ERC1: variants seen among roughly 807,000 people sequenced by gnomAD.
The protein encoded by ERC1 is ELKS/RAB6-interacting/CAST family member 1, also known as RAB6 interacting protein 2.
ERC1 carries 56 observed loss-of-function variants against 132.0 expected under a neutral mutation model. That is an observed-to-expected ratio of 0.42 (90% CI 0.34 to 0.53). The LOEUF (loss-of-function observed/expected upper bound fraction) is 0.53. Among genes scored for constraint, ERC1 ranks in the 20% least tolerant of loss-of-function variants. The probability of loss-of-function intolerance (pLI) is 0.03; values close to 1 mark genes in which losing one functional copy is unlikely to be tolerated. For missense variants in ERC1, 1,202 were observed against 1,349.9 expected, an observed-to-expected ratio of 0.89 and a Z score of 1.72; for synonymous variants, 478 against 476.1, an observed-to-expected ratio of 1.00 and a Z score of -0.05.
chr12:1,267,139 G>A (rs567841507), intron 14 of ERC1, among the ~76,000 whole-genome samples: 132 of 152,362 alleles, frequency 8.7e-4, no homozygotes, highest in South Asian at 3.1e-3. Flanking sequence ...GAGAAGTTGT[G>A]TAATGACCTA....
At chr12:1,489,760 G>C (rs1430138951) in intron 18 of ERC1, among the ~76,000 whole-genome samples, 5 of 152,148 alleles carry the variant, frequency 3.3e-5, no homozygotes, top group Non-Finnish European at 5.9e-5. Flanking sequence ...GATCCTCTCT[G>C]AGATCACCAT....
chr12:1,049,291 G>A (rs1592941142), intron 2 of ERC1, among the ~76,000 whole-genome samples: 2 of 152,190 alleles, frequency 1.3e-5, no homozygotes, highest in Admixed American at 6.5e-5. Flanking sequence ...TGGCAAAAAC[G>A]TTGCCTGCTC....
chr12:1,439,212 AGT>A (rs2093035546), intron 17 of ERC1, among the ~76,000 whole-genome samples: 1 of 152,172 alleles, frequency 6.6e-6, no homozygotes, highest in African/African-American at 2.4e-5. Context: ...GGCCCAAGAA[AGT>A]GTGTTTGGAT....
chr12:1,338,438 T>G (rs2154360936), intron 15 of ERC1, among the ~76,000 whole-genome samples: 1 of 152,336 alleles, frequency 6.6e-6, no homozygotes, highest in East Asian at 1.9e-4. Context: ...GCTCCTATAT[T>G]GTTGTACTGT....
intron 15 of ERC1, among the ~76,000 whole-genome samples, chr12:1,359,638 G>A (rs562764833): frequency 2.0e-5 from 3 of 152,258 alleles, no homozygotes; most frequent in South Asian, 2.1e-4. Context: ...AAGACACAGC[G>A]GTCATGGCCT....
chr12:1,120,272 C>T lies in ERC1; in HGVS notation c.1569+4239C>T, dbSNP rs557041582. On this transcript the variant is annotated intron_variant, in intron 7 of 18. Transcript: ENST00000360905. ...GCCCCCAAAGCACAAGAATTATAGG[C>T]AGGAGCCACTGTGTCCAGCCATGGA... Among the ~76,000 whole-genome samples the T allele has an allele frequency of 2.6e-5, 4 of 152,268 alleles. No homozygotes were observed. The South Asian group carries it at 8.3e-4, about 32-fold the overall frequency.
At chr12:1,208,662 C>CT (rs1443995048) in intron 12 of ERC1, among the ~76,000 whole-genome samples, 7 of 152,250 alleles carry the variant, frequency 4.6e-5, no homozygotes, top group African/African-American at 1.7e-4. Context: ...AGCTCTATCT[C>CT]TTATTTGGCA....
intron 4 of ERC1, among the ~76,000 whole-genome samples, chr12:1,107,844 G>A (rs1243446634): frequency 1.3e-5 from 2 of 152,110 alleles, no homozygotes; most frequent in Admixed American, 1.3e-4. Context: ...GGGTGTTATT[G>A]ACCTTCACTG....
Position 1,226,013 on chromosome 12 carries a change from A to G in ERC1, c.2352-10756A>G, listed in dbSNP as rs1030132260. On this transcript the variant is annotated intron_variant, in intron 12 of 18. Coordinates refer to ENST00000360905, the MANE Select transcript of ERC1 (RefSeq NM_178040.4). The stretch of plus-strand genomic sequence containing the variant: ...GCCAGTCTGCTTTTTCCATTAGTTA[A>G]TATAATTGATATCAGATTGTTAAAA... Among the ~76,000 whole-genome samples, 4 of 152,234 alleles carry G rather than the reference A, an allele frequency of 2.6e-5. No homozygotes were observed. In the South Asian group the frequency reaches 6.2e-4, roughly 24 times the overall value.
At chr12:995,446 A>G (rs183342588) in intron 1 of ERC1, among the ~76,000 whole-genome samples, 2 of 152,284 alleles carry the variant, frequency 1.3e-5, no homozygotes, top group East Asian at 3.9e-4. Flanking sequence ...AGAAGAATAA[A>G]GAATAAGGTT....
intron 12 of ERC1, among the ~76,000 whole-genome samples, chr12:1,222,098 A>C (rs1057227110): frequency 1.3e-5 from 2 of 152,212 alleles, no homozygotes; most frequent in Non-Finnish European, 2.9e-5. Flanking sequence ...TGTGTACCTA[A>C]ACATGTAAAC....
chr12:1,162,253 G>A (rs955809811), intron 8 of ERC1, among the ~76,000 whole-genome samples: 1 of 152,198 alleles, frequency 6.6e-6, no homozygotes, highest in African/African-American at 2.4e-5. Context: ...CTGTGTTACA[G>A]TAAATTTCTT....
chr12:1,141,174 C>T (rs1638298550), intron 7 of ERC1, among the ~76,000 whole-genome samples: 1 of 152,158 alleles, frequency 6.6e-6, no homozygotes, highest in South Asian at 2.1e-4. Flanking sequence ...GTATGGATAT[C>T]TAAGTGCATT....
chr12:1,349,169 C>T (rs1340639784), intron 15 of ERC1, among the ~76,000 whole-genome samples: 1 of 152,154 alleles, frequency 6.6e-6, no homozygotes, highest in South Asian at 2.1e-4. Context: ...AAGAAAACGA[C>T]GACACTGGAG....
chr12:1,251,644 G>A (rs968210009), intron 13 of ERC1, among the ~76,000 whole-genome samples: 15 of 152,036 alleles, frequency 9.9e-5, no homozygotes, highest in African/African-American at 3.4e-4. Flanking sequence ...CTCAAACTGG[G>A]CCACTTTTTA....
intron 13 of ERC1, among the ~76,000 whole-genome samples, chr12:1,241,383 TG>T (rs1445121733): frequency 6.6e-6 from 1 of 152,224 alleles, no homozygotes; most frequent in Non-Finnish European, 1.5e-5. Context: ...TGATATGTTA[TG>T]AATTACATTG....
chr12:1,424,136 GT>G (rs918637993), intron 17 of ERC1, among the ~76,000 whole-genome samples: 2 of 152,098 alleles, frequency 1.3e-5, no homozygotes, highest in Non-Finnish European at 2.9e-5. Flanking sequence ...CAGGAAGTTA[GT>G]TACCTCCAAG....
intron 12 of ERC1, among the ~76,000 whole-genome samples, chr12:1,195,510 A>T (rs1213802605): frequency 1.3e-5 from 2 of 152,190 alleles, no homozygotes; most frequent in Admixed American, 1.3e-4. Flanking sequence ...CATTGAGCAC[A>T]TATGCATTAG....
At chr12:1,027,681 A>G in intron 1 of ERC1, 67 bp from the exon 2 acceptor site, 1 of 532,582 alleles carries the variant, frequency 1.9e-6, no homozygotes, top group Non-Finnish European at 3.3e-6. Flanking sequence ...AGTGGGGGTA[A>G]TGGAAAGTCT....
Sources: gnomAD v4.1 joint callset for allele counts (sites outside exome capture counted in the v4.1 genomes callset) on GRCh38, gnomAD v4.1.1 for gene constraint, MANE v1.5 for transcripts, NCBI Gene and HGNC (gene_info 2026-07-23, HGNC 2026-07-21) for gene names.